ZSCAN25: variants seen among roughly 807,000 people sequenced by gnomAD.
The protein encoded by ZSCAN25 is zinc finger and SCAN domain containing 25.
Under a neutral mutation model 38.7 loss-of-function variants are expected in ZSCAN25, and 27 were observed. The ratio of observed to expected loss-of-function variants is 0.70; its 90% CI spans 0.51 to 0.96. The LOEUF (loss-of-function observed/expected upper bound fraction) is 0.96. Ranked by LOEUF, ZSCAN25 falls within the 40% of genes least tolerant of loss-of-function variation. ZSCAN25 has a pLI of 0.00. For synonymous variants in ZSCAN25, 273 were observed against 277.7 expected, an observed-to-expected ratio of 0.98 and a Z score of 0.17; for missense variants, 637 against 705.9, an observed-to-expected ratio of 0.90 and a Z score of 1.11.
chr7:99,666,695 C>T, the ZSCAN25 span: 3 of 1,614,054 alleles, frequency 1.9e-6, no homozygotes, highest in Admixed American at 5.0e-5. Context: ...AACATCTAAG[C>T]ACAAAACAGA....
chr7:99,690,818 A>G, the ZSCAN25 span, among the ~76,000 whole-genome samples: 1 of 152,162 alleles, frequency 6.6e-6, no homozygotes, highest in Admixed American at 6.5e-5. Flanking sequence ...GATGTGGAGA[A>G]ATAGGAACAC....
chr7:99,666,886 T>C, the ZSCAN25 span: 1 of 1,602,008 alleles, frequency 6.2e-7, no homozygotes, highest in Non-Finnish European at 8.5e-7. Context: ...GACTGTGATC[T>C]TACTTTCTAC....
the ZSCAN25 span, among the ~76,000 whole-genome samples, chr7:99,737,452 G>A: frequency 7.9e-5 from 12 of 152,140 alleles, no homozygotes; most frequent in Admixed American, 4.6e-4. Context: ...AAAGAAAGAT[G>A]CAGTTTCTGA....
chr7:99,623,197 C>T (rs1211572879), intron 6 of ZSCAN25, among the ~76,000 whole-genome samples: 3 of 152,166 alleles, frequency 2.0e-5, no homozygotes, highest in African/African-American at 7.2e-5. Context: ...TTGTGGGTGC[C>T]GTTTATGGGT....
the ZSCAN25 span, chr7:99,648,197 A>G: frequency 2.0e-5 from 30 of 1,477,094 alleles, no homozygotes; most frequent in African/African-American, 3.0e-4. Context: ...CATGCAGTAC[A>G]TTAGATTAAG....
At chr7:99,713,592 A>C in the ZSCAN25 span, 9 of 1,610,776 alleles carry the variant, frequency 5.6e-6, no homozygotes, top group African/African-American at 4.0e-5. Context: ...GTCAGAAGTT[A>C]ATCAGAAGTG....
chr7:99,714,155 A>G, the ZSCAN25 span, among the ~76,000 whole-genome samples: 2 of 152,336 alleles, frequency 1.3e-5, no homozygotes, highest in East Asian at 1.9e-4. Context: ...AATGTGTAAA[A>G]TAATAGCCTT....
the ZSCAN25 span, among the ~76,000 whole-genome samples, chr7:99,685,479 A>T: frequency 3.9e-5 from 6 of 152,238 alleles, no homozygotes; most frequent in Non-Finnish European, 7.3e-5. Context: ...GTGACACCAC[A>T]CCAAGGTTGG....
the ZSCAN25 span, chr7:99,674,727 G>A: frequency 1.8e-5 from 11 of 609,470 alleles, no homozygotes; most frequent in African/African-American, 3.8e-5. Flanking sequence ...ATTCAGAGAT[G>A]TCTTAAGGGA....
chr7:99,696,236 CT>C, the ZSCAN25 span, among the ~76,000 whole-genome samples: 31 of 147,362 alleles, frequency 2.1e-4, no homozygotes, highest in Middle Eastern at 3.5e-3. Flanking sequence ...GAAAGGGTGA[CT>C]TTTTTTTTTT....
Position 99,632,210 on chromosome 7 carries a change from A to G in ZSCAN25, c.*2190A>G, listed in dbSNP as rs754441521. The stretch of plus-strand genomic sequence containing the variant: ...AAGAGCTTAGGACAGTGTCTCAGAA[A>G]AGCCTCTAAGTAGGGGGTTTTTCCC... On this transcript the variant is annotated 3_prime_UTR_variant, in exon 8 of 8. Transcript: ENST00000394152. 1 of 985,234 alleles carries G rather than the reference A, an allele frequency of 1.0e-6. No individual in the cohort carries two copies. Among genetic ancestry groups the G allele is most frequent in the East Asian group, 1.1e-4 (1 of 8,828 alleles). The allele number at this position is 985,234 out of a possible 1,614,324, so 61.0% of individuals were successfully genotyped here.
At chr7:99,705,657 A>G in the ZSCAN25 span, 43 of 1,587,800 alleles carry the variant, frequency 2.7e-5, no homozygotes, top group South Asian at 4.0e-4. Context: ...AAAGTATAGC[A>G]TCAAAGTAAA....
chr7:99,716,004 C>T, the ZSCAN25 span: 1 of 1,605,342 alleles, frequency 6.2e-7, no homozygotes, highest in Non-Finnish European at 8.5e-7. Flanking sequence ...TCAAGACAGA[C>T]AAACAGCCAC....
the ZSCAN25 span, chr7:99,695,958 A>C: frequency 7.9e-6 from 6 of 762,776 alleles, no homozygotes; most frequent in Middle Eastern, 7.0e-4. Context: ...TAAGGCAATA[A>C]ATGATAACAG....
At chr7:99,686,489 G>C in the ZSCAN25 span, among the ~76,000 whole-genome samples, 22 of 151,992 alleles carry the variant, frequency 1.4e-4, no homozygotes. Flanking sequence ...GACTTGATAA[G>C]GTAAACAAAG....
At chr7:99,704,135 G>T in the ZSCAN25 span, among the ~76,000 whole-genome samples, 56 of 152,206 alleles carry the variant, frequency 3.7e-4, no homozygotes, top group African/African-American at 1.2e-3. Context: ...ATTGCATTTA[G>T]ACAGTTGGGA....
the ZSCAN25 span, among the ~76,000 whole-genome samples, chr7:99,736,135 G>A: frequency 1.2e-4 from 18 of 152,268 alleles, no homozygotes; most frequent in East Asian, 5.8e-4. Flanking sequence ...AAGTCCTGCC[G>A]TAGATAGAAA....
At chr7:99,709,744 C>T in the ZSCAN25 span, among the ~76,000 whole-genome samples, 1 of 151,306 alleles carries the variant, frequency 6.6e-6, no homozygotes, top group South Asian at 2.1e-4. Flanking sequence ...CAAACAAAAA[C>T]AGTTACAAAG....
the ZSCAN25 span, among the ~76,000 whole-genome samples, chr7:99,701,333 C>T: frequency 6.6e-6 from 1 of 152,182 alleles, no homozygotes; most frequent in Non-Finnish European, 1.5e-5. Context: ...AAGTGAAGTA[C>T]TCTCTTTACC....
Sources: gnomAD v4.1 joint callset for allele counts (sites outside exome capture counted in the v4.1 genomes callset) on GRCh38, gnomAD v4.1.1 for gene constraint, MANE v1.5 for transcripts, NCBI Gene and HGNC (gene_info 2026-07-23, HGNC 2026-07-21) for gene names.